SP110: variants seen among roughly 807,000 people sequenced by gnomAD.
SP110 encodes interferon-induced protein 41, 30kD.
A neutral mutation model predicts 92.7 loss-of-function variants in SP110; 62 were observed. The ratio of observed to expected loss-of-function variants is 0.67; its 90% CI spans 0.55 to 0.83. SP110 has a LOEUF of 0.83. Among genes scored for constraint, SP110 ranks in the 40% least tolerant of loss-of-function variants. The pLI is 0.00. For synonymous variants in SP110, 273 were observed against 305.3 expected (o/e 0.89, Z 1.10); for missense variants, 793 against 863.9 (o/e 0.92, Z 1.03).
chr2:230,203,358 G>A (rs765120969), intron 8 of SP110: 16 of 157,028 alleles, frequency 1.0e-4, no homozygotes, highest in Non-Finnish European at 2.1e-4. Flanking sequence ...CAGGATGACC[G>A]CTGTCCTGTT....
chr2:230,198,968 G>C (rs1332965280), intron 10 of SP110, among the ~76,000 whole-genome samples: 1 of 151,946 alleles, frequency 6.6e-6, no homozygotes, highest in African/African-American at 2.4e-5. Flanking sequence ...TCTTTAGCTG[G>C]AACATAGACA....
chr2:230,210,054 G>T, intron 6 of SP110, 46 bp from the exon 7 acceptor site: 1 of 1,182,044 alleles, frequency 8.5e-7, no homozygotes, highest in Non-Finnish European at 1.3e-6. Flanking sequence ...ATCCAGTGAA[G>T]AGAAAGTGCT....
chr2:230,216,754 GC>G (rs752191069), intron 2 of SP110, 26 bp downstream of exon 2: 1 of 1,612,936 alleles, frequency 6.2e-7, no homozygotes, highest in Non-Finnish European at 8.5e-7. Flanking sequence ...GGGCTGGGCT[GC>G]CATGGAAGGG....
At chr2:230,201,695 C>A (rs1301905366) in intron 9 of SP110, among the ~76,000 whole-genome samples, 1 of 152,212 alleles carries the variant, frequency 6.6e-6, no homozygotes, top group Non-Finnish European at 1.5e-5. Context: ...GATACAAGCT[C>A]ACTGTATAAT....
chr2:230,177,514 C>G, intron 14 of SP110, 24 bp downstream of exon 14: 1 of 1,612,810 alleles, frequency 6.2e-7, no homozygotes, highest in Non-Finnish European at 8.5e-7. Context: ...AACCTGTCAC[C>G]TATCTGTCCC....
chr2:230,213,351 A>T (rs2044711132), intron 3 of SP110, among the ~76,000 whole-genome samples: 2 of 152,248 alleles, frequency 1.3e-5, no homozygotes, highest in Non-Finnish European at 1.5e-5. Context: ...AATTTAGTCA[A>T]TAATGAACAT....
At chr2:230,203,683 A>C (rs183699154) in intron 8 of SP110, 1 of 152,234 alleles carries the variant, frequency 6.6e-6, no homozygotes, top group Non-Finnish European at 1.5e-5. Context: ...TACAGAAAAT[A>C]TGAGAGTGTG....
intron 10 of SP110, chr2:230,200,443 CT>C (rs1378084848): frequency 5.4e-6 from 1 of 186,328 alleles, no homozygotes; most frequent in African/African-American, 2.4e-5. Context: ...GAGTTTTTCG[CT>C]TCTCAATTTT....
In SP110 at chr2:230,172,190, C is replaced by G. The variant is rs1218400464; in HGVS notation, c.1707-16G>C. ...CCACAGCATCCTGAGAGGTTGGACA[C>G]AAGGTGAGCAGAGGGCAAAGCCCCT... On this transcript the variant is annotated splice_polypyrimidine_tract_variant and intron_variant, in intron 15 of 18. Coordinates refer to ENST00000258381, the MANE Select transcript of SP110 (RefSeq NM_080424.4). The G allele has an allele frequency of 6.6e-7, 1 of 1,505,078 alleles. No individual in the cohort carries two copies. The highest frequency in any genetic ancestry group is 1.7e-5 in the Admixed American group (1 of 59,918). The allele number at this position is 1,505,078 out of a possible 1,614,324, so 93.2% of individuals were successfully genotyped here.
intron 3 of SP110, chr2:230,213,902 A>AG (rs1251889755): frequency 6.6e-6 from 1 of 152,292 alleles, no homozygotes; most frequent in Non-Finnish European, 1.5e-5. Flanking sequence ...CCCTACCTGG[A>AG]GGTGGACTTG....
Position 230,175,947 on chromosome 2 carries a change from T to TTTTTTTTTTTC in SP110, c.1590+1590_1590+1591insGAAAAAAAAAA, listed in dbSNP as rs2041839786. ...TTTGCTTTTCATGCTGCAGCATTCTTTTTTTTTTTTTTCTGAGACAGGGTC... is the reference window on the plus strand; with the variant it reads ...TTTGCTTTTCATGCTGCAGCATTCTTTTTTTTTTTTCTTTTTTTTTTTTCTGAGACAGGGTC... On this transcript the variant is annotated intron_variant, in intron 14 of 18. Coordinates refer to ENST00000258381, the MANE Select transcript of SP110 (RefSeq NM_080424.4). 1.4e-5 allele frequency among the ~76,000 whole-genome samples: 2 copies of TTTTTTTTTTTC among 145,770 alleles called. 1 individual carries two copies. Among genetic ancestry groups the TTTTTTTTTTTC allele is most frequent in the African/African-American group, 5.1e-5 (2 of 39,414 alleles).
chr2:230,165,863 A>G lies in SP110; in HGVS notation c.*3261T>C, dbSNP rs1461909689. 6.6e-6 allele frequency among the ~76,000 whole-genome samples: 1 copy of G among 151,900 alleles called. No individual in the cohort carries two copies. The highest frequency in any genetic ancestry group is 1.5e-5 in the Non-Finnish European group (1 of 67,986). On this transcript the variant is annotated 3_prime_UTR_variant, in exon 19 of 19. Transcript: ENST00000258381. ...TTAAAACATTAAAAAGAGAAATATT[A>G]AAATATGACAGAAATAAGACCACCT... is the stretch of plus-strand genomic sequence containing the variant.
At chr2:230,188,767 G>A (rs994276869) in intron 10 of SP110, among the ~76,000 whole-genome samples, 15 of 152,024 alleles carry the variant, frequency 9.9e-5, no homozygotes, top group African/African-American at 3.6e-4. Context: ...TTCTGTTTTT[G>A]TGATGTACCA....
At chr2:230,206,651 T>C (rs1482097765) in intron 8 of SP110, among the ~76,000 whole-genome samples, 2 of 99,878 alleles carry the variant, frequency 2.0e-5, no homozygotes, top group African/African-American at 7.0e-5. Context: ...ACCACACTTT[T>C]TCAGTGAGTG....
chr2:230,178,322 C>G, intron 12 of SP110, 67 bp from the exon 13 acceptor site: 1 of 908,038 alleles, frequency 1.1e-6, no homozygotes, highest in South Asian at 1.4e-5. Context: ...GAATTCTCCC[C>G]TCCATGAATT....
chr2:230,198,929 G>A (rs578117813), intron 10 of SP110, among the ~76,000 whole-genome samples: 2 of 152,042 alleles, frequency 1.3e-5, no homozygotes, highest in Non-Finnish European at 2.9e-5. Flanking sequence ...AGTGGAGGAG[G>A]TGTGCCCTTC....
chr2:230,194,548 C>T (rs1451008414), intron 10 of SP110, among the ~76,000 whole-genome samples: 1 of 152,090 alleles, frequency 6.6e-6, no homozygotes, highest in Non-Finnish European at 1.5e-5. Flanking sequence ...AGCAGAGGAA[C>T]CAGAAAAATG....
chr2:230,198,419 T>A (rs1171088615), intron 10 of SP110, among the ~76,000 whole-genome samples: 1 of 152,182 alleles, frequency 6.6e-6, no homozygotes, highest in African/African-American at 2.4e-5. Context: ...ATGCCCACCA[T>A]AAACATGGGC....
intron 10 of SP110, among the ~76,000 whole-genome samples, chr2:230,196,698 G>C (rs1966553): frequency 0.79 from 115,994 of 146,372 alleles, 46,129 homozygotes; most frequent in Admixed American, 0.83. Context: ...CCTCCTCCCC[G>C]CACCCCACAA....
Sources: gnomAD v4.1 joint callset for allele counts (sites outside exome capture counted in the v4.1 genomes callset) on GRCh38, gnomAD v4.1.1 for gene constraint, MANE v1.5 for transcripts, NCBI Gene and HGNC (gene_info 2026-07-23, HGNC 2026-07-21) for gene names.